Variants in ANKRD17 observed in about 807,000 individuals in gnomAD.
The protein encoded by ANKRD17 is ankyrin repeat domain-containing protein 17.
A neutral mutation model predicts 229.7 loss-of-function variants in ANKRD17; 19 were observed. The observed-to-expected ratio is 0.08, with a 90% CI of 0.06 to 0.12. ANKRD17 has a LOEUF of 0.12. Among genes scored for constraint, ANKRD17 ranks in the 10% least tolerant of loss-of-function variants. The probability of loss-of-function intolerance (pLI) is 1.00; values close to 1 mark genes in which losing one functional copy is unlikely to be tolerated. For synonymous variants in ANKRD17, 1,112 were observed against 1,146.1 expected (o/e 0.97, Z 0.60); for missense variants, 2,176 against 3,176.8 (o/e 0.68, Z 7.57).
intron 26 of ANKRD17, among the ~76,000 whole-genome samples, chr4:73,097,613 A>T (rs888910754): frequency 6.6e-6 from 1 of 151,838 alleles, no homozygotes; most frequent in Non-Finnish European, 1.5e-5. Context: ...AAAAAAAAAA[A>T]TTATTTGTAG....
At chr4:73,249,327 CAAGCTAATAGT>C (rs1278556994) in intron 1 of ANKRD17, among the ~76,000 whole-genome samples, 3 of 152,042 alleles carry the variant, frequency 2.0e-5, no homozygotes, top group Non-Finnish European at 2.9e-5. Flanking sequence ...TTAAATTAGG[CAAGCTAATAGT>C]ATTTTTGGGA....
At chr4:73,142,812 T>C in intron 11 of ANKRD17, 45 bp from the exon 12 acceptor site, 1 of 1,561,042 alleles carries the variant, frequency 6.4e-7, no homozygotes, top group Non-Finnish European at 8.7e-7. Flanking sequence ...AGAATGGTTT[T>C]TCTTAAAATT....
intron 28 of ANKRD17, among the ~76,000 whole-genome samples, 159 bp from the exon 29 acceptor site, chr4:73,092,459 A>G (rs1408319819): frequency 1.3e-5 from 2 of 152,148 alleles, no homozygotes; most frequent in Non-Finnish European, 2.9e-5. Context: ...CTGGGCAGCA[A>G]TTTTCTTACC....
At position 73,146,772 on chromosome 4, in the gene ANKRD17, C is replaced by T. The variant is rs745621090; in HGVS notation, c.1861G>A (p.Ala621Thr). 15 of 1,603,524 alleles carry T rather than the reference C, an allele frequency of 9.4e-6. No individual in the cohort carries two copies. The highest frequency in any genetic ancestry group is 6.7e-5 in the Admixed American group (4 of 59,718). ...AAAGTAACATAGCTTACCAGATCTG[C>T]GCCTGCCTGAAGTAAGACATCTGCT... ...DVADVLLQAG[A>T]DLEHESEGGR... The change falls in exon 10 of 34, where the codon GCA (alanine) becomes ACA (threonine). Residue 621 changes from alanine (A) to threonine (T), a missense_variant. Coordinates refer to ENST00000358602, the MANE Select transcript of ANKRD17 (RefSeq NM_032217.5).
At chr4:73,096,091 ATTAT>A (rs757765716) in intron 27 of ANKRD17, among the ~76,000 whole-genome samples, 2 of 152,222 alleles carry the variant, frequency 1.3e-5, no homozygotes, top group Non-Finnish European at 2.9e-5. Flanking sequence ...AAACAAGCAA[ATTAT>A]TTATTGAGAA....
chr4:73,187,507 T>G (rs1444227542), intron 1 of ANKRD17, among the ~76,000 whole-genome samples: 3 of 152,222 alleles, frequency 2.0e-5, no homozygotes, highest in Non-Finnish European at 2.9e-5. Flanking sequence ...TTAGAGTATA[T>G]GCCATAAATG....
rs1204140916 is a variant in ANKRD17, at chr4:73,073,854, G to GT, written c.*2376dup. ...TATTAACTACTTGGGGATTTAAGGT[G>GT]TGAACTAACCCAAGTGTAATGTCCA... is the stretch of plus-strand genomic sequence containing the variant. On this transcript the variant is annotated 3_prime_UTR_variant, in exon 34 of 34. Transcript: ENST00000358602. 3.3e-5 allele frequency: 5 copies of GT among 152,004 alleles called. No individual in the cohort carries two copies. The highest frequency in any genetic ancestry group is 4.1e-4 in the South Asian group (2 of 4,830). The allele number at this position is 152,004 out of a possible 1,614,324, so 9.4% of individuals were successfully genotyped here. A position where few individuals can be genotyped will look rare whatever the true frequency, so the allele number is the denominator to read the frequency against.
At chr4:73,148,762 A>C (rs1426526269) in intron 8 of ANKRD17, 51 bp downstream of exon 8, 7 of 1,495,832 alleles carry the variant, frequency 4.7e-6, no homozygotes, top group Non-Finnish European at 6.5e-6. Flanking sequence ...ATAAAATTAT[A>C]CTCTTAGGTT....
At chr4:73,202,650 T>C (rs1403765950) in intron 1 of ANKRD17, among the ~76,000 whole-genome samples, 2 of 152,186 alleles carry the variant, frequency 1.3e-5, no homozygotes, top group Non-Finnish European at 2.9e-5. Flanking sequence ...GATCTAACAA[T>C]GCTTCAAAAC....
chr4:73,106,377 G>T (rs1724620537), intron 24 of ANKRD17, among the ~76,000 whole-genome samples: 1 of 152,160 alleles, frequency 6.6e-6, no homozygotes, highest in African/African-American at 2.4e-5. Flanking sequence ...AAGAATTTAA[G>T]GACTTGGGGA....
chr4:73,150,269 C>G (rs1162302244), intron 7 of ANKRD17, among the ~76,000 whole-genome samples: 1 of 152,120 alleles, frequency 6.6e-6, no homozygotes, highest in Non-Finnish European at 1.5e-5. Flanking sequence ...CTACTAATAT[C>G]TTTCACTTAT....
At chr4:73,215,729 T>C (rs1388734183) in intron 1 of ANKRD17, among the ~76,000 whole-genome samples, 1 of 152,226 alleles carries the variant, frequency 6.6e-6, no homozygotes, top group East Asian at 1.9e-4. Flanking sequence ...GATTCCACAC[T>C]GCAACTAACC....
intron 2 of ANKRD17, among the ~76,000 whole-genome samples, chr4:73,172,235 G>A (rs1734133945): frequency 6.6e-6 from 1 of 152,166 alleles, no homozygotes; most frequent in African/African-American, 2.4e-5. Flanking sequence ...AGACTTTTCA[G>A]TGGAAACCTT....
chr4:73,079,962 C>G (rs1320397735), intron 30 of ANKRD17, among the ~76,000 whole-genome samples: 1 of 151,938 alleles, frequency 6.6e-6, no homozygotes, highest in Non-Finnish European at 1.5e-5. Flanking sequence ...AAAAATTAGC[C>G]GGGCGTGGTG....
At chr4:73,232,016 A>T (rs940204807) in intron 1 of ANKRD17, among the ~76,000 whole-genome samples, 6 of 152,150 alleles carry the variant, frequency 3.9e-5, no homozygotes, top group Admixed American at 2.0e-4. Context: ...ATCCTTTGTA[A>T]TATCTTTTAC....
intron 16 of ANKRD17, among the ~76,000 whole-genome samples, chr4:73,133,468 G>A (rs1360368596): frequency 2.8e-5 from 4 of 141,126 alleles, no homozygotes; most frequent in Non-Finnish European, 4.5e-5. Context: ...TCGGCTCACT[G>A]CAACCTCCAT....
At chr4:73,247,284 T>C (rs1375097405) in intron 1 of ANKRD17, among the ~76,000 whole-genome samples, 1 of 152,062 alleles carries the variant, frequency 6.6e-6, no homozygotes, top group African/African-American at 2.4e-5. Flanking sequence ...AGGAACATTC[T>C]CATACACTGC....
intron 1 of ANKRD17, among the ~76,000 whole-genome samples, chr4:73,209,077 G>T (rs945504764): frequency 6.6e-6 from 1 of 151,990 alleles, no homozygotes; most frequent in Admixed American, 6.6e-5. Flanking sequence ...ATGGTGGTGC[G>T]TGCCTATAAT....
intron 1 of ANKRD17, among the ~76,000 whole-genome samples, chr4:73,209,335 C>T (rs1485472196): frequency 1.3e-5 from 2 of 152,154 alleles, no homozygotes; most frequent in Non-Finnish European, 2.9e-5. Context: ...AACACTATCA[C>T]AAATCCTGTC....
Sources: allele counts gnomAD v4.1 joint callset (sites outside exome capture counted in the v4.1 genomes callset), GRCh38; gene constraint gnomAD v4.1.1; transcripts MANE v1.5; gene names NCBI Gene and HGNC (gene_info 2026-07-23, HGNC 2026-07-21).